Variants in TMPRSS13 observed in about 807,000 individuals in gnomAD.
TMPRSS13 encodes the protein transmembrane serine protease 13.
A neutral mutation model predicts 68.4 loss-of-function variants in TMPRSS13; 50 were observed. The ratio of observed to expected loss-of-function variants is 0.73; its 90% CI spans 0.58 to 0.93. The LOEUF is 0.93. TMPRSS13 is among the 40% of genes least tolerant of loss of function. The pLI, the probability that TMPRSS13 is intolerant of heterozygous loss-of-function variation, is 0.00. For synonymous variants in TMPRSS13, 267 were observed against 285.8 expected, an observed-to-expected ratio of 0.93 and a Z score of 0.66; for missense variants, 615 against 729.2, an observed-to-expected ratio of 0.84 and a Z score of 1.80.
Position 117,902,106 on chromosome 11 carries a change from A to T in TMPRSS13, c.*133T>A. ...CACACACACACACACACACACACAG[A>T]GGCAGCAGACAGTGGAGGTGGGAGT... is the stretch of plus-strand genomic sequence containing the variant. On this transcript the variant is annotated 3_prime_UTR_variant, in exon 13 of 13. Coordinates refer to ENST00000524993, the MANE Select transcript of TMPRSS13 (RefSeq NM_001077263.3). 1.1e-6 allele frequency: 1 copy of T among 917,250 alleles called. No individual in the cohort carries two copies. Among genetic ancestry groups the T allele is most frequent in the Non-Finnish European group, 1.7e-6 (1 of 582,340 alleles). The allele number at this position is 917,250 out of a possible 1,614,324, so 56.8% of individuals were successfully genotyped here.
chr11:117,903,952 C>T lies in TMPRSS13; in HGVS notation c.1524+7G>A. ...GGGACCTGAGCCCCACCCACAGGTA[C>T]CCTCACCTGGCAGGAGTCTCTGCCC... On this transcript the variant is annotated splice_region_variant and intron_variant, in intron 11 of 12. Coordinates refer to ENST00000524993, the MANE Select transcript of TMPRSS13 (RefSeq NM_001077263.3). 1.2e-6 allele frequency: 2 copies of T among 1,610,398 alleles called. No individual in the cohort carries two copies. Among genetic ancestry groups the T allele is most frequent in the South Asian group, 1.1e-5 (1 of 90,136 alleles).
At chr11:117,907,030 T>C (rs887108504) in intron 9 of TMPRSS13, among the ~76,000 whole-genome samples, 1 of 152,070 alleles carries the variant, frequency 6.6e-6, no homozygotes, top group Non-Finnish European at 1.5e-5. Context: ...GGGAGACTAT[T>C]ACGTTTGAAA....
At chr11:117,927,261 G>A (rs1401799423) in intron 1 of TMPRSS13, among the ~76,000 whole-genome samples, 3 of 152,118 alleles carry the variant, frequency 2.0e-5, no homozygotes, top group Non-Finnish European at 2.9e-5. Context: ...ATTCTCCTTC[G>A]GGGGACTGCT....
At position 117,914,320 on chromosome 11, in the gene TMPRSS13, CACAT is replaced by C; in HGVS notation, c.679+68_679+71del. ...ACACACACAGGCATGCATACACACA[CACAT>C]ATACAAACAGGCACACAAACACATG... On this transcript the variant is annotated intron_variant, in intron 4 of 12. Coordinates refer to ENST00000524993, the MANE Select transcript of TMPRSS13 (RefSeq NM_001077263.3). This position sits in a 1 kb window ranked among gnomAD's most constrained non-coding sequence, Gnocchi z 4.2. 1 of 1,590,802 alleles carries C rather than the reference CACAT, an allele frequency of 6.3e-7. No homozygotes were observed. Among genetic ancestry groups the C allele is most frequent in the South Asian group, 1.1e-5 (1 of 89,658 alleles).
chr11:117,917,829 G>A (rs916170940), intron 2 of TMPRSS13, among the ~76,000 whole-genome samples: 3 of 152,196 alleles, frequency 2.0e-5, no homozygotes, highest in Admixed American at 6.5e-5. Context: ...ATTCTGGGAT[G>A]GGAGGAGGGC....
At chr11:117,911,741 ACAG>A (rs2057524994) in intron 6 of TMPRSS13, 24 bp downstream of exon 6, 2 of 1,595,744 alleles carry the variant, frequency 1.3e-6, no homozygotes, top group Non-Finnish European at 1.7e-6. Flanking sequence ...CTGCTCACAA[ACAG>A]GCAGCCTGCC....
chr11:117,913,972 G>A, intron 4 of TMPRSS13, 66 bp from the exon 5 acceptor site: 1 of 1,568,470 alleles, frequency 6.4e-7, no homozygotes, highest in Non-Finnish European at 8.7e-7. Context: ...CTTGGGGGAT[G>A]AGCTGAGTGA....
chr11:117,906,907 AT>A (rs968071959), intron 9 of TMPRSS13, among the ~76,000 whole-genome samples: 6 of 152,148 alleles, frequency 3.9e-5, no homozygotes, highest in African/African-American at 1.4e-4. Context: ...ATCAGTCCTG[AT>A]TTCTAAACCA....
Position 117,914,431 on chromosome 11 carries a change from C to T in TMPRSS13, c.640G>A (p.Val214Met), listed in dbSNP as rs1434780719. The T allele has an allele frequency of 6.2e-7, 1 of 1,613,988 alleles. No individual in the cohort carries two copies. The highest frequency in any genetic ancestry group is 8.5e-7 in the Non-Finnish European group (1 of 1,180,038). Residue 214 changes from valine (V) to methionine (M), a missense_variant, in exon 4 of 13, where the codon GTG becomes ATG. Coordinates refer to ENST00000524993, the MANE Select transcript of TMPRSS13 (RefSeq NM_001077263.3). The surrounding 1 kb of genome is among the most constrained non-coding windows in gnomAD (Gnocchi z 4.2). ...CPKHAVRCDG[V>M]VDCKLKSDEL... ...TCACTCTTCAGCTTGCAGTCCACCACCCCGTCACAGCGAACAGCGTGCTTG... is the reference window on the plus strand; with the variant it reads ...TCACTCTTCAGCTTGCAGTCCACCATCCCGTCACAGCGAACAGCGTGCTTG...
intron 1 of TMPRSS13, among the ~76,000 whole-genome samples, chr11:117,920,229 C>T (rs1431878562): frequency 2.0e-5 from 3 of 152,198 alleles, no homozygotes; most frequent in South Asian, 2.1e-4. Flanking sequence ...TAAGCTAGAG[C>T]GAAGCACCTT....
rs150910802 is a variant in TMPRSS13, at chr11:117,922,223, A to C, written c.22-3385T>G. Among the ~76,000 whole-genome samples, 118 of 151,958 alleles carry C rather than the reference A, an allele frequency of 7.8e-4. 1 individual carries two copies. Among genetic ancestry groups the C allele is most frequent in the African/African-American group, 2.7e-3 (113 of 41,462 alleles). On this transcript the variant is annotated intron_variant, in intron 1 of 12. Transcript: ENST00000524993. The surrounding 1 kb of genome is among the most constrained non-coding windows in gnomAD (Gnocchi z 4.2). ...AGCTGGGGAATAGGAAGGGGAGGAG[A>C]CTACTTGTTTGTTTGTTGTTTGTTT...
At chr11:117,920,013 T>A (rs914843354) in intron 1 of TMPRSS13, among the ~76,000 whole-genome samples, 25 of 152,098 alleles carry the variant, frequency 1.6e-4, no homozygotes, top group African/African-American at 6.0e-4. Context: ...GGGATCTTGG[T>A]CTTGTGATAC....
At position 117,905,651 on chromosome 11, in the gene TMPRSS13, G is replaced by A. The variant is rs2057457322; in HGVS notation, c.1368C>T (p.Thr456=). 3 of 1,601,336 alleles carry A rather than the reference G, an allele frequency of 1.9e-6. No individual in the cohort carries two copies. Among genetic ancestry groups the A allele is most frequent in the South Asian group, 2.3e-5 (2 of 88,782 alleles). ...ETCWITGFGK[T]RETDDKTSPF... is the part of the protein sequence containing the mutation. ...TTTGCCTCTTACCATCTGTCTCCCT[G>A]GTCTTGCCAAAGCCTGTGATCCAGC... The change falls in exon 10 of 13, where the codon ACC becomes ACT. Residue 456 remains threonine, a synonymous_variant. Coordinates refer to ENST00000524993, the MANE Select transcript of TMPRSS13 (RefSeq NM_001077263.3).
At chr11:117,904,692 A>G (rs933423526) in intron 10 of TMPRSS13, among the ~76,000 whole-genome samples, 1 of 151,794 alleles carries the variant, frequency 6.6e-6, no homozygotes, top group African/African-American at 2.4e-5. Context: ...CTCACAGGAC[A>G]AGGCACTCTG....
rs753390441 is a variant in TMPRSS13 at position 117,918,654 on chromosome 11, G to A, written c.206C>T (p.Ala69Val). The A allele has an allele frequency of 3.1e-6, 5 of 1,593,262 alleles. No homozygotes were observed. The highest frequency in any genetic ancestry group is 2.3e-5 in the South Asian group (2 of 87,596). Residue 69 changes from alanine (A) to valine (V), a missense_variant, in exon 2 of 13, where the codon GCA becomes GTA. Ala to Val is a moderately conservative substitution (Grantham distance 64). Coordinates refer to ENST00000524993, the MANE Select transcript of TMPRSS13 (RefSeq NM_001077263.3). Reference protein sequence around the residue: ...ASPAGTPPGRASPGRASPAQA... With the variant: ...ASPAGTPPGRVSPGRASPAQA... ...GGCTGGAGATGCCCGGCCTGGAGAT[G>A]CCCGGCCTGGAGGTGTACCAGCTGG...
rs1783387725 is a variant in TMPRSS13, at chr11:117,918,858, T to C, written c.22-20A>G. On this transcript the variant is annotated intron_variant, in intron 1 of 12. Transcript: ENST00000524993. ...TGCATTCTGAAAGCAGATCGAAGAG[T>C]ATCCCACAGGCTGCTCCCCTGCCAA... The C allele has an allele frequency of 6.2e-7, 1 of 1,611,280 alleles. No homozygotes were observed.
rs574366092 is a variant in TMPRSS13 at position 117,917,292 on chromosome 11, G to A, written c.452-18C>T. ...GCTCGTACCTAGGAGCAGGGCGGCA[G>A]CAGGGGAATATGAGGCTGGAGAGGA... is the stretch of plus-strand genomic sequence containing the variant. On this transcript the variant is annotated intron_variant, in intron 2 of 12. Coordinates refer to ENST00000524993, the MANE Select transcript of TMPRSS13 (RefSeq NM_001077263.3). 1 of 1,600,234 alleles carries A rather than the reference G, an allele frequency of 6.2e-7. No individual in the cohort carries two copies. The highest frequency in any genetic ancestry group is 1.1e-5 in the South Asian group (1 of 90,276).
intron 1 of TMPRSS13, among the ~76,000 whole-genome samples, chr11:117,924,949 C>A (rs938722669): frequency 6.6e-6 from 1 of 152,212 alleles, no homozygotes; most frequent in Non-Finnish European, 1.5e-5. Flanking sequence ...GCTGCAGGGT[C>A]TGCCTCGCCC....
rs376785245 is a variant in TMPRSS13 at position 117,918,762 on chromosome 11, C to T, written c.98G>A (p.Arg33Gln). The T allele has an allele frequency of 5.7e-5, 92 of 1,611,314 alleles. No homozygotes were observed. Among genetic ancestry groups the T allele is most frequent in the South Asian group, 3.3e-4 (30 of 90,704 alleles). ...QASPAGTPPG[R>Q]ASPAQASPAQ... ...TGGAGATGCCTGGGCTGGAGATGCC[C>T]GGCCTGGAGGTGTCCCAGCTGGAGA... Residue 33 changes from arginine (R) to glutamine (Q), a missense_variant, in exon 2 of 13, where the codon CGG becomes CAG. Coordinates refer to ENST00000524993, the MANE Select transcript of TMPRSS13 (RefSeq NM_001077263.3).
Sources: gnomAD v4.1 joint callset for allele counts (sites outside exome capture counted in the v4.1 genomes callset) on GRCh38, gnomAD v4.1.1 for gene constraint, Gnocchi (gnomAD v3.1) non-coding constraint, MANE v1.5 for transcripts, NCBI Gene and HGNC (gene_info 2026-07-23, HGNC 2026-07-21) for gene names.